Variants in CAP2 observed in about 807,000 individuals in gnomAD.
CAP2 encodes the protein adenylyl cyclase-associated protein 2.
CAP2 carries 24 observed loss-of-function variants against 57.7 expected under a neutral mutation model. The ratio of observed to expected loss-of-function variants is 0.42; its 90% CI spans 0.30 to 0.58. CAP2 has a LOEUF of 0.58. Ranked by LOEUF, CAP2 falls within the 20% of genes least tolerant of loss-of-function variation. The probability of loss-of-function intolerance (pLI) is 0.22; values close to 1 mark genes in which losing one functional copy is unlikely to be tolerated. For synonymous variants in CAP2, 194 were observed against 207.2 expected (o/e 0.94, Z 0.55); for missense variants, 501 against 590.3 (o/e 0.85, Z 1.57).
At chr6:17,484,124 C>T (rs532806520) in intron 4 of CAP2, among the ~76,000 whole-genome samples, 78 of 152,080 alleles carry the variant, frequency 5.1e-4, no homozygotes, top group Non-Finnish European at 8.4e-4. Flanking sequence ...TTTTTCTTTG[C>T]AGACCAAAAT....
At chr6:17,455,286 A>C (rs1050550246) in intron 3 of CAP2, among the ~76,000 whole-genome samples, 3 of 150,954 alleles carry the variant, frequency 2.0e-5, no homozygotes, top group African/African-American at 7.3e-5. Flanking sequence ...TGGTAAGGAA[A>C]AAAAAAAAAT....
chr6:17,412,875 G>A (rs1443885716), intron 1 of CAP2, among the ~76,000 whole-genome samples: 1 of 152,194 alleles, frequency 6.6e-6, no homozygotes, highest in East Asian at 1.9e-4. Context: ...AGGGAGTAAA[G>A]ACCTCTCCAG....
intron 4 of CAP2, among the ~76,000 whole-genome samples, chr6:17,476,061 G>A (rs1359657949): frequency 1.3e-5 from 2 of 152,158 alleles, no homozygotes; most frequent in African/African-American, 4.8e-5. Flanking sequence ...TTTCCCATAC[G>A]AGCAGGGTTG....
chr6:17,461,806 C>T (rs1760728255), intron 3 of CAP2, among the ~76,000 whole-genome samples: 1 of 149,958 alleles, frequency 6.7e-6, no homozygotes, highest in Non-Finnish European at 1.5e-5. Context: ...TCCTGGCGAA[C>T]ACTGTGAAAC....
intron 11 of CAP2, among the ~76,000 whole-genome samples, chr6:17,547,879 A>T (rs1763085905): frequency 6.6e-6 from 1 of 151,818 alleles, no homozygotes; most frequent in Non-Finnish European, 1.5e-5. Flanking sequence ...GCAGTAAGAT[A>T]ATGATTGAGA....
In CAP2 at chr6:17,513,033, A is replaced by G. The variant is rs1762194162; in HGVS notation, c.531-816A>G. Among the ~76,000 whole-genome samples, 2 of 152,208 alleles carry G rather than the reference A, an allele frequency of 1.3e-5. No individual in the cohort carries two copies. Among genetic ancestry groups the G allele is most frequent in the African/African-American group, 4.8e-5 (2 of 41,460 alleles). On this transcript the variant is annotated intron_variant, in intron 6 of 12. Transcript: ENST00000229922. This position sits in a 1 kb window ranked among gnomAD's most constrained non-coding sequence, Gnocchi z 4.3. ...TATTTTTGCATTTACCTTGACTTCTATAAGTGAGAAAAAATATATTATAGG... is the reference window on the plus strand; with the variant it reads ...TATTTTTGCATTTACCTTGACTTCTGTAAGTGAGAAAAAATATATTATAGG...
chr6:17,460,147 C>T (rs1159550546), intron 3 of CAP2, among the ~76,000 whole-genome samples: 4 of 152,132 alleles, frequency 2.6e-5, no homozygotes, highest in African/African-American at 9.7e-5. Flanking sequence ...TCAGATGTCA[C>T]CATTGCCACA....
chr6:17,492,862 A>G (rs751503), intron 4 of CAP2, among the ~76,000 whole-genome samples: 94,503 of 152,026 alleles, frequency 0.62, 29,649 homozygotes, highest in Admixed American at 0.66. Flanking sequence ...GGAAAGACCC[A>G]TTTTCCCCAC....
chr6:17,533,027 C>T (rs570166287), intron 7 of CAP2, among the ~76,000 whole-genome samples: 12 of 140,860 alleles, frequency 8.5e-5, no homozygotes, highest in South Asian at 4.6e-4. Flanking sequence ...ATCACACCAT[C>T]GCACTCCAGC....
chr6:17,495,812 A>G (rs1412299645), intron 4 of CAP2, among the ~76,000 whole-genome samples: 2 of 152,138 alleles, frequency 1.3e-5, no homozygotes, highest in Non-Finnish European at 2.9e-5. Context: ...GTGAAAGAGA[A>G]AGCAAGAAAA....
intron 7 of CAP2, among the ~76,000 whole-genome samples, chr6:17,521,054 G>A (rs1025427225): frequency 6.6e-6 from 1 of 152,142 alleles, no homozygotes; most frequent in African/African-American, 2.4e-5. Context: ...CCCTTCTGGG[G>A]CTCTGGGTGG....
At position 17,541,129 on chromosome 6, in the gene CAP2, A is replaced by G. The variant is rs781356563; in HGVS notation, c.983A>G (p.Glu328Gly). ...SQKHAPVLEL[E>G]GKKWRVEYQE... is the part of the protein sequence containing the mutation. ...AAACATGCCCCAGTGTTGGAGTTGG[A>G]AGGAAAGAAATGGAGAGTGGTAAGT... The change falls in exon 9 of 13, where the codon GAA becomes GGA. Residue 328 changes from glutamate (E) to glycine (G), a missense_variant. Glu to Gly is a moderately conservative substitution (Grantham distance 98). Transcript: ENST00000229922. The G allele has an allele frequency of 6.2e-7, 1 of 1,613,480 alleles. No individual in the cohort carries two copies. The highest frequency in any genetic ancestry group is 8.5e-7 in the Non-Finnish European group (1 of 1,179,616).
chr6:17,479,435 T>A (rs6905681), intron 4 of CAP2, among the ~76,000 whole-genome samples: 4,332 of 151,768 alleles, frequency 0.029, 208 homozygotes, highest in African/African-American at 0.099. Flanking sequence ...CTTCACTTCA[T>A]TCCCATTTGC....
At chr6:17,426,842 A>T in intron 3 of CAP2, 152 bp downstream of exon 3, 1 of 633,356 alleles carries the variant, frequency 1.6e-6, no homozygotes, top group East Asian at 2.8e-5. Flanking sequence ...TTACCCATTT[A>T]TTCATTTAAT....
intron 1 of CAP2, among the ~76,000 whole-genome samples, chr6:17,414,829 T>C (rs1382337114): frequency 6.6e-6 from 1 of 152,210 alleles, no homozygotes; most frequent in Admixed American, 6.5e-5. Flanking sequence ...GGAATCGCCA[T>C]ACTGTCTTCC....
chr6:17,464,140 C>A (rs541421070), intron 4 of CAP2, among the ~76,000 whole-genome samples: 1 of 152,236 alleles, frequency 6.6e-6, no homozygotes, highest in Admixed American at 6.5e-5. Context: ...TTCATAATAA[C>A]AACTTTTGAC....
intron 12 of CAP2, among the ~76,000 whole-genome samples, chr6:17,551,955 A>G (rs1438762955): frequency 6.6e-6 from 1 of 152,150 alleles, no homozygotes; most frequent in Non-Finnish European, 1.5e-5. Context: ...TACTTAGGGG[A>G]AAAAATGTGA....
At chr6:17,504,724 AACAC>A (rs138296308) in intron 4 of CAP2, among the ~76,000 whole-genome samples, 1 of 151,558 alleles carries the variant, frequency 6.6e-6, no homozygotes, top group African/African-American at 2.4e-5. Context: ...TACACACACA[AACAC>A]ACACACACAC....
chr6:17,399,748 A>G (rs1261758142), intron 1 of CAP2, among the ~76,000 whole-genome samples: 3 of 152,212 alleles, frequency 2.0e-5, no homozygotes, highest in African/African-American at 7.2e-5. Flanking sequence ...TTCAGAATGT[A>G]AAGGCCATTC....
Sources: allele counts gnomAD v4.1 joint callset (sites outside exome capture counted in the v4.1 genomes callset), GRCh38; gene constraint gnomAD v4.1.1; non-coding constraint Gnocchi (gnomAD v3.1); transcripts MANE v1.5; gene names NCBI Gene and HGNC (gene_info 2026-07-23, HGNC 2026-07-21).